The following CACNA2D3 variants were observed in gnomAD, a reference collection of about 807,000 sequenced individuals.
The protein encoded by CACNA2D3 is calcium voltage-gated channel auxiliary subunit alpha2delta 3.
A neutral mutation model predicts 160.6 loss-of-function variants in CACNA2D3; 60 were observed. That is an observed-to-expected ratio of 0.37 (90% confidence interval 0.30 to 0.46). CACNA2D3 has a LOEUF of 0.46. CACNA2D3 is among the 20% of genes least tolerant of loss of function. The pLI, the probability that CACNA2D3 is intolerant of heterozygous loss-of-function variation, is 1.00. For synonymous variants in CACNA2D3, 558 were observed against 492.9 expected (o/e 1.13, Z -1.75); for missense variants, 1,205 against 1,365.0 (o/e 0.88, Z 1.85).
intron 11 of CACNA2D3, among the ~76,000 whole-genome samples, chr3:54,725,702 A>G (rs2106999667): frequency 6.6e-6 from 1 of 152,344 alleles, no homozygotes; most frequent in Middle Eastern, 3.4e-3. Context: ...GCCTTTGACA[A>G]AATTCAACAC....
chr3:54,842,381 G>A (rs955999353), intron 16 of CACNA2D3, among the ~76,000 whole-genome samples: 2 of 152,126 alleles, frequency 1.3e-5, no homozygotes, highest in African/African-American at 4.8e-5. Flanking sequence ...GAATTTTCAA[G>A]ATGAGCTAGG....
chr3:54,349,371 A>G (rs1229495769), intron 3 of CACNA2D3, among the ~76,000 whole-genome samples: 3 of 152,156 alleles, frequency 2.0e-5, no homozygotes. Flanking sequence ...ATTTCTCATT[A>G]GGAGGCATTC....
chr3:54,639,958 G>C (rs148832154), intron 10 of CACNA2D3: 2 of 154,042 alleles, frequency 1.3e-5, no homozygotes. Context: ...GCGGGGGGTC[G>C]CAAGGTGCTC....
intron 2 of CACNA2D3, among the ~76,000 whole-genome samples, chr3:54,293,375 C>G (rs1236716206): frequency 6.6e-6 from 1 of 152,032 alleles, no homozygotes; most frequent in African/African-American, 2.4e-5. Context: ...CCCAGAGTCC[C>G]CATAGTCCAT....
At chr3:54,664,095 A>C (rs566562326) in intron 11 of CACNA2D3, among the ~76,000 whole-genome samples, 219 of 152,362 alleles carry the variant, frequency 1.4e-3, no homozygotes, top group African/African-American at 5.0e-3. Flanking sequence ...GCTGAGCCGA[A>C]TCGGCGATGG....
At chr3:54,354,148 T>C (rs1698610111) in intron 3 of CACNA2D3, among the ~76,000 whole-genome samples, 1 of 152,190 alleles carries the variant, frequency 6.6e-6, no homozygotes, top group South Asian at 2.1e-4. Context: ...CCATACGTGC[T>C]GTGCAGTGTT....
At chr3:54,360,952 T>A (rs921859701) in intron 3 of CACNA2D3, among the ~76,000 whole-genome samples, 2 of 152,018 alleles carry the variant, frequency 1.3e-5, no homozygotes, top group Non-Finnish European at 2.9e-5. Flanking sequence ...AGCGTTTCAA[T>A]GGTGTTAGAG....
At chr3:54,436,508 G>A (rs1700062140) in intron 4 of CACNA2D3, among the ~76,000 whole-genome samples, 1 of 152,186 alleles carries the variant, frequency 6.6e-6, no homozygotes, top group Non-Finnish European at 1.5e-5. Context: ...ATTTACAATA[G>A]CAAAGACGTG....
chr3:54,133,648 A>G (rs1281413643), intron 2 of CACNA2D3, among the ~76,000 whole-genome samples: 4 of 152,052 alleles, frequency 2.6e-5, no homozygotes, highest in African/African-American at 7.3e-5. Context: ...TGAGCCCTCT[A>G]GCTTTCTATA....
rs980355757 is a variant in CACNA2D3 at position 54,809,784 on chromosome 3, C to T, written c.1381-7069C>T. Among the ~76,000 whole-genome samples, 14 of 150,884 alleles carry T rather than the reference C, an allele frequency of 9.3e-5. No individual in the cohort carries two copies. The East Asian group carries it at 1.2e-3, about 13-fold the overall frequency. ...TCTTTTTTTCTTTCTTTCCCATTTCCCTCTTTCCCTCCTTCCTTCTTTTCA... is the reference window on the plus strand; with the variant it reads ...TCTTTTTTTCTTTCTTTCCCATTTCTCTCTTTCCCTCCTTCCTTCTTTTCA... On this transcript the variant is annotated intron_variant, in intron 13 of 37. Coordinates refer to ENST00000474759, the MANE Select transcript of CACNA2D3 (RefSeq NM_018398.3).
rs957023211 is a variant in CACNA2D3 at position 54,944,701 on chromosome 3, G to A, written c.2450-23749G>A. On this transcript the variant is annotated intron_variant, in intron 27 of 37. Coordinates refer to ENST00000474759, the MANE Select transcript of CACNA2D3 (RefSeq NM_018398.3). ...CTCCCAAAGTGCTGGGATTACAGGC[G>A]TGAGCCACCGCGCCCAGCCTCCAAG... 4.6e-5 allele frequency among the ~76,000 whole-genome samples: 7 copies of A among 151,882 alleles called. No homozygotes were observed. The East Asian group carries it at 7.8e-4, about 17-fold the overall frequency.
intron 13 of CACNA2D3, among the ~76,000 whole-genome samples, chr3:54,766,049 G>A (rs1188848383): frequency 1.3e-5 from 2 of 152,066 alleles, no homozygotes; most frequent in Non-Finnish European, 2.9e-5. Flanking sequence ...TCTGTGACCT[G>A]GATTCTGGGA....
intron 12 of CACNA2D3, among the ~76,000 whole-genome samples, chr3:54,756,684 G>C (rs746265660): frequency 5.9e-5 from 9 of 152,126 alleles, no homozygotes; most frequent in Non-Finnish European, 1.3e-4. Context: ...AATCATGAGG[G>C]CTCTCACGTT....
At chr3:54,902,908 G>C (rs1249333724) in intron 27 of CACNA2D3, among the ~76,000 whole-genome samples, 1 of 152,172 alleles carries the variant, frequency 6.6e-6, no homozygotes, top group East Asian at 1.9e-4. Flanking sequence ...TTATCTAAAA[G>C]TTGGTGGCAT....
Position 54,662,607 on chromosome 3 carries a change from C to G in CACNA2D3, c.1167+20366C>G, listed in dbSNP as rs76760042. On this transcript the variant is annotated intron_variant, in intron 11 of 37. Transcript: ENST00000474759. The stretch of plus-strand genomic sequence containing the variant: ...TTCTCCATATCCAAGCCCCTGCCTC[C>G]TCCCTCAGCCTCAGGCCAGCAAGTG... 2.0e-5 allele frequency among the ~76,000 whole-genome samples: 3 copies of G among 152,322 alleles called. No homozygotes were observed. The South Asian group carries it at 6.2e-4, about 32-fold the overall frequency.
chr3:54,602,585 C>T (rs1703083315), intron 9 of CACNA2D3, among the ~76,000 whole-genome samples: 1 of 150,998 alleles, frequency 6.6e-6, no homozygotes. Flanking sequence ...CGTCTGAGCA[C>T]AGAGCATATG....
intron 27 of CACNA2D3, among the ~76,000 whole-genome samples, chr3:54,949,181 A>G (rs1310811797): frequency 6.6e-6 from 1 of 152,136 alleles, no homozygotes; most frequent in African/African-American, 2.4e-5. Context: ...TCTCCTTGAT[A>G]TAGTTTTGGT....
chr3:54,135,577 A>G (rs1699799942), intron 2 of CACNA2D3, among the ~76,000 whole-genome samples: 1 of 152,220 alleles, frequency 6.6e-6, no homozygotes, highest in Non-Finnish European at 1.5e-5. Context: ...CTTCCTTCAG[A>G]TATCAGGACT....
In CACNA2D3 at chr3:54,880,784, C is replaced by G. The variant is rs1412035578; in HGVS notation, c.1845-12C>G. 1 of 1,611,524 alleles carries G rather than the reference C, an allele frequency of 6.2e-7. No homozygotes were observed. The highest frequency in any genetic ancestry group is 2.2e-5 in the East Asian group (1 of 44,886). On this transcript the variant is annotated splice_polypyrimidine_tract_variant and intron_variant, in intron 20 of 37. Transcript: ENST00000474759. The stretch of plus-strand genomic sequence containing the variant: ...CCAGGGATTTCAAGATTTGCTTTGT[C>G]TCTCTGCACAGTTTAGGTGTGGCGC...
Sources: gnomAD v4.1 joint callset for allele counts (sites outside exome capture counted in the v4.1 genomes callset) on GRCh38, gnomAD v4.1.1 for gene constraint, MANE v1.5 for transcripts, NCBI Gene and HGNC (gene_info 2026-07-23, HGNC 2026-07-21) for gene names.